The following FER1L6 variants were observed in gnomAD, a reference collection of about 807,000 sequenced individuals.
FER1L6 encodes fer-1 like family member 6.
In FER1L6, 177 loss-of-function variants were observed where a neutral mutation model predicts 219.2. That is an observed-to-expected ratio of 0.81 (90% CI 0.71 to 0.91). FER1L6 has a LOEUF of 0.91. Ranked by LOEUF, FER1L6 falls within the 40% of genes least tolerant of loss-of-function variation. The pLI is 0.00. For missense variants in FER1L6, 2,153 were observed against 2,259.9 expected (o/e 0.95, Z 0.96); for synonymous variants, 768 against 824.3 (o/e 0.93, Z 1.17).
chr8:123,940,270 C>T (rs2129986703), intron 1 of FER1L6, among the ~76,000 whole-genome samples: 1 of 152,176 alleles, frequency 6.6e-6, no homozygotes, highest in Non-Finnish European at 1.5e-5. Context: ...TATAATCTGC[C>T]CTTGTATCTG....
intron 5 of FER1L6, among the ~76,000 whole-genome samples, chr8:123,968,486 A>G (rs559170210): frequency 7.9e-5 from 12 of 152,326 alleles, no homozygotes; most frequent in African/African-American, 2.6e-4. Flanking sequence ...TATGTGAGGC[A>G]GTTGAGTCTG....
intron 3 of FER1L6, among the ~76,000 whole-genome samples, chr8:123,965,310 G>A (rs1815487492): frequency 6.6e-6 from 1 of 152,190 alleles, no homozygotes; most frequent in South Asian, 2.1e-4. Context: ...GGTATTGTTA[G>A]TAACCAAGGG....
intron 1 of FER1L6, among the ~76,000 whole-genome samples, chr8:123,855,051 C>T (rs1816606931): frequency 6.6e-6 from 1 of 152,210 alleles, no homozygotes; most frequent in Admixed American, 6.5e-5. Flanking sequence ...AGCTTTCCCT[C>T]TTCAATCGGC....
chr8:123,886,396 G>C (rs1817203592), intron 1 of FER1L6, among the ~76,000 whole-genome samples: 2 of 152,190 alleles, frequency 1.3e-5, no homozygotes, highest in African/African-American at 4.8e-5. Context: ...TTCTCTGAGA[G>C]AGTGAGTTGT....
In FER1L6 at chr8:124,017,729, A is replaced by C. The variant is rs1371293001; in HGVS notation, c.2013+11A>C. The stretch of plus-strand genomic sequence containing the variant: ...TGCTGGCAGGAGCTGGTATGTGAAA[A>C]TCTATTTATACTTTGTGGACAGAGT... On this transcript the variant is annotated intron_variant, in intron 16 of 40. Coordinates refer to ENST00000522917, the MANE Select transcript of FER1L6 (RefSeq NM_001039112.2). The C allele has an allele frequency of 1.2e-6, 2 of 1,605,978 alleles. No individual in the cohort carries two copies. Among genetic ancestry groups the C allele is most frequent in the Admixed American group, 3.3e-5 (2 of 59,852 alleles).
rs766299066 is a variant in FER1L6, at chr8:124,013,461, A to C, written c.1852A>C (p.Ile618Leu). 3.7e-6 allele frequency: 6 copies of C among 1,610,198 alleles called. No individual in the cohort carries two copies. Among genetic ancestry groups the C allele is most frequent in the Non-Finnish European group, 5.1e-6 (6 of 1,178,942 alleles). ...EESIEEVREL[I>L]KISQEAPEEK... The stretch of plus-strand genomic sequence containing the variant: ...AAGTATAGAAGAAGTGAGAGAATTG[A>C]TCAAGATTTCACAGGAGGCACCTGA... The change falls in exon 15 of 41, where the codon ATC (isoleucine) becomes CTC (leucine). Residue 618 changes from isoleucine (I) to leucine (L), a missense_variant. Ile to Leu is a conservative substitution (Grantham distance 5). Coordinates refer to ENST00000522917, the MANE Select transcript of FER1L6 (RefSeq NM_001039112.2).
chr8:124,035,489 G>A, intron 19 of FER1L6, 35 bp downstream of exon 19: 5 of 1,577,636 alleles, frequency 3.2e-6, no homozygotes, highest in Non-Finnish European at 4.3e-6. Flanking sequence ...GGTCATTCGA[G>A]GTCTCAGGTG....
In FER1L6 at chr8:124,111,241, CATTTTTA is replaced by C. The variant is rs1216802272; in HGVS notation, c.5290-7595_5290-7589del. Among the ~76,000 whole-genome samples, 2 of 152,216 alleles carry C rather than the reference CATTTTTA, an allele frequency of 1.3e-5. No homozygotes were observed. The highest frequency in any genetic ancestry group is 1.5e-5 in the Non-Finnish European group (1 of 68,036). On this transcript the variant is annotated intron_variant, in intron 39 of 40. Coordinates refer to ENST00000522917, the MANE Select transcript of FER1L6 (RefSeq NM_001039112.2). The surrounding 1 kb of genome is among the most constrained non-coding windows in gnomAD (Gnocchi z 5.0). ...TTTCAACAGGGAGAACTAAGCCTCT[CATTTTTA>C]ATTTTTATTTGTTGCCCTTACACCT...
At chr8:123,965,003 C>T (rs1289452399) in intron 3 of FER1L6, among the ~76,000 whole-genome samples, 2 of 152,202 alleles carry the variant, frequency 1.3e-5, no homozygotes, top group African/African-American at 4.8e-5. Flanking sequence ...TGGCACTGGG[C>T]TTTCACATAA....
At chr8:124,023,765 C>T (rs1818573521) in intron 18 of FER1L6, among the ~76,000 whole-genome samples, 169 bp downstream of exon 18, 1 of 152,170 alleles carries the variant, frequency 6.6e-6, no homozygotes, top group African/African-American at 2.4e-5. Flanking sequence ...TTCAGTAGAC[C>T]ACCTTTAGGT....
intron 39 of FER1L6, among the ~76,000 whole-genome samples, chr8:124,108,474 T>C (rs1822870564): frequency 6.6e-6 from 1 of 152,228 alleles, no homozygotes; most frequent in Non-Finnish European, 1.5e-5. Context: ...GACCATTCCC[T>C]GTTCCCATCT....
intron 1 of FER1L6, among the ~76,000 whole-genome samples, chr8:123,915,026 G>C (rs1391349309): frequency 6.7e-6 from 1 of 148,430 alleles, no homozygotes; most frequent in Admixed American, 6.8e-5. Flanking sequence ...ACTATAAAAG[G>C]TATTACATGC....
At chr8:123,854,771 G>A (rs955279925) in intron 1 of FER1L6, among the ~76,000 whole-genome samples, 2 of 152,132 alleles carry the variant, frequency 1.3e-5, no homozygotes, top group Admixed American at 1.3e-4. Flanking sequence ...GGCATGGTGG[G>A]GGATAGCGGG....
intron 8 of FER1L6, 64 bp from the exon 9 acceptor site, chr8:123,975,834 C>T: frequency 1.5e-6 from 2 of 1,352,886 alleles, no homozygotes; most frequent in Admixed American, 2.3e-5. Flanking sequence ...CAAATTGCTC[C>T]TGTCTTTTCT....
Position 124,047,923 on chromosome 8 carries a change from T to G in FER1L6, c.2725-1684T>G, listed in dbSNP as rs540132503. 2.6e-5 allele frequency among the ~76,000 whole-genome samples: 4 copies of G among 152,340 alleles called. No individual in the cohort carries two copies. The East Asian group carries it at 7.7e-4, about 29-fold the overall frequency. ...AATGGCCTCATAAGAATCTGCTGGT[T>G]CTGGAATAAATGAGTTTATATTTGG... On this transcript the variant is annotated intron_variant, in intron 21 of 40. Coordinates refer to ENST00000522917, the MANE Select transcript of FER1L6 (RefSeq NM_001039112.2).
At chr8:124,054,946 C>T (rs7009406) in intron 22 of FER1L6, among the ~76,000 whole-genome samples, 122,647 of 152,130 alleles carry the variant, frequency 0.81, 49,766 homozygotes, top group Non-Finnish European at 0.86. Flanking sequence ...CAGAAAGGCC[C>T]GTTGGGAGAC....
At chr8:123,898,748 ACT>A (rs1491519678) in intron 1 of FER1L6, among the ~76,000 whole-genome samples, 1 of 135,366 alleles carries the variant, frequency 7.4e-6, no homozygotes, top group Non-Finnish European at 1.6e-5. Flanking sequence ...ATACATATAT[ACT>A]ATATATACAC....
In FER1L6 at chr8:123,865,582, C is replaced by T. The variant is rs1340212039; in HGVS notation, c.-8+13397C>T. Among the ~76,000 whole-genome samples the T allele has an allele frequency of 1.1e-4, 16 of 151,454 alleles. 3 individuals are homozygous for T. Among genetic ancestry groups the T allele is most frequent in the African/African-American group, 3.7e-4 (15 of 40,766 alleles). On this transcript the variant is annotated intron_variant, in intron 1 of 40. Transcript: ENST00000522917. ...ATGGCGGGCGCCCCTCCCCCAGCCT[C>T]GCTGCCACCTTGCAGTTTGATCTCA...
At chr8:123,922,972 G>GCCC (rs5894679) in intron 1 of FER1L6, among the ~76,000 whole-genome samples, 2 of 150,948 alleles carry the variant, frequency 1.3e-5, no homozygotes, top group African/African-American at 2.4e-5. Flanking sequence ...GATTTATACA[G>GCCC]CCCCCCCCCA....
Sources: gnomAD v4.1 joint callset for allele counts (sites outside exome capture counted in the v4.1 genomes callset) on GRCh38, gnomAD v4.1.1 for gene constraint, Gnocchi (gnomAD v3.1) non-coding constraint, MANE v1.5 for transcripts, NCBI Gene and HGNC (gene_info 2026-07-23, HGNC 2026-07-21) for gene names.